KLHL3: variants seen among roughly 807,000 people sequenced by gnomAD.
KLHL3 encodes kelch like family member 3, also known as kelch-like protein 3.
A neutral mutation model predicts 70.5 loss-of-function variants in KLHL3; 19 were observed. The ratio of observed to expected loss-of-function variants is 0.27; its 90% CI spans 0.19 to 0.40. The LOEUF (loss-of-function observed/expected upper bound fraction) is 0.40, where lower values mean the gene tolerates loss of function less well. Ranked by LOEUF, KLHL3 falls within the 10% of genes least tolerant of loss-of-function variation. The pLI, the probability that KLHL3 is intolerant of heterozygous loss-of-function variation, is 1.00. For synonymous variants in KLHL3, 258 were observed against 290.3 expected, an observed-to-expected ratio of 0.89 and a Z score of 1.13; for missense variants, 512 against 771.1, an observed-to-expected ratio of 0.66 and a Z score of 3.98.
intron 5 of KLHL3, among the ~76,000 whole-genome samples, chr5:137,684,003 G>A (rs1393655854): frequency 3.3e-5 from 5 of 152,194 alleles, no homozygotes; most frequent in African/African-American, 1.2e-4. Flanking sequence ...ATCCAAGAGA[G>A]GCAGGAGTGA....
At chr5:137,717,707 G>A (rs1245370905) in intron 2 of KLHL3, among the ~76,000 whole-genome samples, 1 of 152,080 alleles carries the variant, frequency 6.6e-6, no homozygotes, top group Non-Finnish European at 1.5e-5. Flanking sequence ...TAGATGACTT[G>A]TTGCTCATTT....
intron 5 of KLHL3, among the ~76,000 whole-genome samples, chr5:137,686,240 C>T (rs1424504277): frequency 1.3e-5 from 2 of 152,182 alleles, no homozygotes; most frequent in African/African-American, 4.8e-5. Context: ...TCTGCAGCAG[C>T]AGTGACCTGA....
At chr5:137,732,889 T>A (rs1384564926) in intron 1 of KLHL3, among the ~76,000 whole-genome samples, 2 of 152,156 alleles carry the variant, frequency 1.3e-5, no homozygotes, top group Non-Finnish European at 1.5e-5. Flanking sequence ...CTGAAAAAAA[T>A]GTGACACACT....
chr5:137,720,728 G>T (rs1752981336), intron 1 of KLHL3, 144 bp from the exon 2 acceptor site: 10 of 1,471,246 alleles, frequency 6.8e-6, no homozygotes, highest in Non-Finnish European at 8.9e-6. Context: ...GAAAGACAAT[G>T]TACTGGGAAT....
At chr5:137,624,919 C>G (rs147322785) in intron 14 of KLHL3, among the ~76,000 whole-genome samples, 1 of 152,204 alleles carries the variant, frequency 6.6e-6, no homozygotes, top group Non-Finnish European at 1.5e-5. Flanking sequence ...AGCTTCCACA[C>G]CCGCCTGGTG....
At chr5:137,728,866 T>A (rs1753126293) in intron 1 of KLHL3, among the ~76,000 whole-genome samples, 1 of 150,632 alleles carries the variant, frequency 6.6e-6, no homozygotes, top group South Asian at 2.1e-4. Flanking sequence ...GCAGAAAAAA[T>A]AACTATTGGC....
intron 1 of KLHL3, among the ~76,000 whole-genome samples, chr5:137,723,054 C>T (rs1273833696): frequency 1.3e-5 from 2 of 152,180 alleles, no homozygotes. Flanking sequence ...TTATTTTTCT[C>T]ATGCATCTGT....
intron 5 of KLHL3, among the ~76,000 whole-genome samples, chr5:137,688,233 G>C (rs927728891): frequency 4.6e-5 from 7 of 151,692 alleles, no homozygotes; most frequent in African/African-American, 1.7e-4. Context: ...AGCATAGTGG[G>C]CTGCTGAGAA....
intron 8 of KLHL3, chr5:137,647,630 G>A (rs545182637): frequency 2.3e-5 from 11 of 470,462 alleles, no homozygotes; most frequent in Non-Finnish European, 4.9e-5. Flanking sequence ...TTACCCTGGT[G>A]CGTGGGGCCG....
chr5:137,691,179 C>G (rs1486292524), intron 5 of KLHL3, among the ~76,000 whole-genome samples: 4 of 152,112 alleles, frequency 2.6e-5, no homozygotes, highest in African/African-American at 9.7e-5. Context: ...GAGGACTGTT[C>G]TAACAAGAAT....
At chr5:137,631,175 T>C (rs1195095728) in intron 12 of KLHL3, among the ~76,000 whole-genome samples, 1 of 151,550 alleles carries the variant, frequency 6.6e-6, no homozygotes, top group African/African-American at 2.4e-5. Context: ...CAGGATCAGA[T>C]TGGTAATCAG....
chr5:137,639,172 C>A lies in KLHL3; in HGVS notation c.1022-22G>T. ...ACACCTGAGGCACAGGAAACCAAGA[C>A]ATCAAGGTCAGGTCAGGCGCATGAC... On this transcript the variant is annotated intron_variant, in intron 9 of 14. Coordinates refer to ENST00000309755, the MANE Select transcript of KLHL3 (RefSeq NM_017415.3). The surrounding 1 kb of genome is among the most constrained non-coding windows in gnomAD (Gnocchi z 5.0). 1.9e-6 allele frequency: 3 copies of A among 1,611,248 alleles called. No homozygotes were observed. Among genetic ancestry groups the A allele is most frequent in the Non-Finnish European group, 2.5e-6 (3 of 1,178,464 alleles).
At chr5:137,688,895 A>T (rs2905597) in intron 5 of KLHL3, among the ~76,000 whole-genome samples, 118,843 of 152,202 alleles carry the variant, frequency 0.78, 46,638 homozygotes, top group East Asian at 0.98. Flanking sequence ...CCCATAATGC[A>T]GACAGAACTC....
chr5:137,700,767 G>T (rs982792022), intron 3 of KLHL3, among the ~76,000 whole-genome samples: 1 of 152,050 alleles, frequency 6.6e-6, no homozygotes, highest in East Asian at 1.9e-4. Flanking sequence ...GAAAAACTAA[G>T]GGCTCAAAGA....
chr5:137,667,340 T>A (rs1242841376), intron 6 of KLHL3, among the ~76,000 whole-genome samples: 1 of 152,242 alleles, frequency 6.6e-6, no homozygotes, highest in African/African-American at 2.4e-5. Flanking sequence ...CTACTACTTT[T>A]TGTGATGAAA....
At position 137,637,249 on chromosome 5, in the gene KLHL3, C is replaced by A. The variant is rs532650849; in HGVS notation, c.1321+45G>T. 14 of 1,523,978 alleles carry A rather than the reference C, an allele frequency of 9.2e-6. No individual in the cohort carries two copies. In the Admixed American group the frequency reaches 2.3e-4, roughly 25 times the overall value. The allele number at this position is 1,523,978 out of a possible 1,614,324, so 94.4% of individuals were successfully genotyped here. A position where few individuals can be genotyped will look rare whatever the true frequency, so the allele number is the denominator to read the frequency against. Reference sequence around the variant, plus strand: ...ATGATGCTGGACCCAGGACAAGGCCCGTGGGCCAGGTAGGCCTGGCCACTG... The same window carrying A: ...ATGATGCTGGACCCAGGACAAGGCCAGTGGGCCAGGTAGGCCTGGCCACTG... On this transcript the variant is annotated intron_variant, in intron 11 of 14. Coordinates refer to ENST00000309755, the MANE Select transcript of KLHL3 (RefSeq NM_017415.3).
chr5:137,734,879 A>G (rs976258230), intron 1 of KLHL3, among the ~76,000 whole-genome samples: 6 of 152,322 alleles, frequency 3.9e-5, no homozygotes, highest in Admixed American at 3.9e-4. Context: ...TCAGATAACA[A>G]TTTAAAAATT....
Position 137,642,491 on chromosome 5 carries a change from A to G in KLHL3, c.904-2514T>C, listed in dbSNP as rs76270230. On this transcript the variant is annotated intron_variant, in intron 8 of 14. Coordinates refer to ENST00000309755, the MANE Select transcript of KLHL3 (RefSeq NM_017415.3). ...TCAGTGTCTTGTCTTTTGCACCTCT[A>G]GACAGTGAGCCCTGCCCAGGCAGAA... 6.4e-3 allele frequency among the ~76,000 whole-genome samples: 971 copies of G among 152,318 alleles called. 12 individuals carry two copies. Among genetic ancestry groups the G allele is most frequent in the African/African-American group, 0.022 (914 of 41,572 alleles).
At chr5:137,630,449 C>T (rs769563848) in intron 12 of KLHL3, among the ~76,000 whole-genome samples, 12 of 152,082 alleles carry the variant, frequency 7.9e-5, no homozygotes, top group Non-Finnish European at 1.5e-4. Context: ...CTTCCTAAGG[C>T]AGGTCTGCCC....
Sources: allele counts gnomAD v4.1 joint callset (sites outside exome capture counted in the v4.1 genomes callset), GRCh38; gene constraint gnomAD v4.1.1; non-coding constraint Gnocchi (gnomAD v3.1); transcripts MANE v1.5; gene names NCBI Gene and HGNC (gene_info 2026-07-23, HGNC 2026-07-21).